The following SLC24A1 variants were observed in gnomAD, a reference collection of about 807,000 sequenced individuals.
The protein encoded by SLC24A1 is sodium/potassium/calcium exchanger 1.
A neutral mutation model predicts 88.1 loss-of-function variants in SLC24A1; 52 were observed. The ratio of observed to expected loss-of-function variants is 0.59; its 90% confidence interval spans 0.47 to 0.74. SLC24A1 has a LOEUF of 0.74. SLC24A1 is among the 30% of genes least tolerant of loss of function. The probability of loss-of-function intolerance (pLI) is 0.00; values close to 1 mark genes in which losing one functional copy is unlikely to be tolerated. For synonymous variants in SLC24A1, 455 were observed against 498.0 expected (o/e 0.91, Z 1.15); for missense variants, 1,173 against 1,363.3 (o/e 0.86, Z 2.20).
rs184758393 is a variant in SLC24A1, at chr15:65,654,428, C to A, written c.*349C>A. The A allele has an allele frequency of 2.6e-6, 3 of 1,165,960 alleles. No individual in the cohort carries two copies. Among genetic ancestry groups the A allele is most frequent in the African/African-American group, 1.6e-5 (1 of 61,682 alleles). 72.2% of individuals were successfully genotyped at this position (1,165,960 alleles called of 1,614,324 possible). On this transcript the variant is annotated 3_prime_UTR_variant, in exon 10 of 10. Transcript: ENST00000261892. ...GCAGCAGCTATAAGACAAGCTCCTA[C>A]GCTCACTGTTCCCTGATCATTCCAA...
At chr15:65,652,587 G>C (rs1657985559) in intron 8 of SLC24A1, 55 bp from the exon 9 acceptor site, 1 of 1,543,828 alleles carries the variant, frequency 6.5e-7, no homozygotes, top group Non-Finnish European at 8.9e-7. Context: ...GATGTGGATA[G>C]TGCTTGGATG....
chr15:65,650,965 C>CA lies in SLC24A1; in HGVS notation c.2793+24dup. ...CAGGTGAGTGTGCCCATCTGTATCTCAGACTCTTTATCCCCAGCAGGGCTG... is the reference window on the plus strand; with the variant it reads ...CAGGTGAGTGTGCCCATCTGTATCTCAAGACTCTTTATCCCCAGCAGGGCTG... On this transcript the variant is annotated intron_variant, in intron 7 of 9. Coordinates refer to ENST00000261892, the MANE Select transcript of SLC24A1 (RefSeq NM_004727.3). This position sits in a 1 kb window ranked among gnomAD's most constrained non-coding sequence, Gnocchi z 4.1. 2 of 1,603,792 alleles carry CA rather than the reference C, an allele frequency of 1.2e-6. No homozygotes were observed. Among genetic ancestry groups the CA allele is most frequent in the African/African-American group, 2.7e-5 (2 of 74,828 alleles).
intron 8 of SLC24A1, 60 bp from the exon 9 acceptor site, chr15:65,652,582 G>A: frequency 6.6e-7 from 1 of 1,510,554 alleles, no homozygotes; most frequent in Non-Finnish European, 9.1e-7. Context: ...AGTAGGATGT[G>A]GATAGTGCTT....
chr15:65,633,488 C>T (rs1192551574), intron 2 of SLC24A1, among the ~76,000 whole-genome samples: 3 of 151,938 alleles, frequency 2.0e-5, no homozygotes, highest in East Asian at 1.9e-4. Context: ...GGTGAAACCT[C>T]GTCTGTACTA....
Position 65,655,778 on chromosome 15 carries a change from T to C in SLC24A1, c.*1699T>C, listed in dbSNP as rs772057151. 301 of 985,314 alleles carry C rather than the reference T, an allele frequency of 3.1e-4. 3 individuals are homozygous for C. The highest frequency in any genetic ancestry group is 8.0e-5 in the Non-Finnish European group (66 of 829,904). The allele number at this position is 985,314 out of a possible 1,614,324, so 61.0% of individuals were successfully genotyped here. On this transcript the variant is annotated 3_prime_UTR_variant, in exon 10 of 10. Coordinates refer to ENST00000261892, the MANE Select transcript of SLC24A1 (RefSeq NM_004727.3). Reference sequence around the variant, plus strand: ...CCATCTTTTAAGATGAATTGCTTAATTAATTGCCTCGCTACCCCAGGATTC... The same window carrying C: ...CCATCTTTTAAGATGAATTGCTTAACTAATTGCCTCGCTACCCCAGGATTC...
Position 65,655,048 on chromosome 15 carries a change from CTA to C in SLC24A1, c.*970_*971del. Reference sequence around the variant, plus strand: ...TGGAGATTAGGGAAGGAAAACTACTCTAGAGGCCATTTAAAAGTATGTATTTA... The same window carrying C: ...TGGAGATTAGGGAAGGAAAACTACTCGAGGCCATTTAAAAGTATGTATTTA... On this transcript the variant is annotated 3_prime_UTR_variant, in exon 10 of 10. Transcript: ENST00000261892. 1 of 1,035,004 alleles carries C rather than the reference CTA, an allele frequency of 9.7e-7. No homozygotes were observed. Among genetic ancestry groups the C allele is most frequent in the Non-Finnish European group, 1.2e-6 (1 of 859,432 alleles). The allele number at this position is 1,035,004 out of a possible 1,614,324, so 64.1% of individuals were successfully genotyped here.
chr15:65,656,973 G>C (rs1212584284), downstream of SLC24A1, among the ~76,000 whole-genome samples: 1 of 152,162 alleles, frequency 6.6e-6, no homozygotes, highest in African/African-American at 2.4e-5. Context: ...GGGCTCAAGC[G>C]ATCCTCCCGC....
chr15:65,623,919 T>C, intron 1 of SLC24A1, 36 bp from the exon 2 acceptor site: 1 of 592,976 alleles, frequency 1.7e-6, no homozygotes. Context: ...AGATCTCCTC[T>C]TAGTGGTAAA....
rs1197062988 is a variant in SLC24A1, at chr15:65,625,612, C to T, written c.1532C>T (p.Thr511Ile). The change falls in exon 2 of 10, where the codon ACC becomes ATC. Residue 511 changes from threonine (T) to isoleucine (I), a missense_variant. Coordinates refer to ENST00000261892, the MANE Select transcript of SLC24A1 (RefSeq NM_004727.3). ...GGAGGCTCTGCTCCTGAGCTCTTCA[C>T]CTCCCTCATCGGTGTCTTCATTTCC... ...AAGGSAPELFTSLIGVFISHS... is the reference protein window; with the variant it reads ...AAGGSAPELFISLIGVFISHS... The T allele has an allele frequency of 6.2e-7, 1 of 1,614,028 alleles. No homozygotes were observed. Among genetic ancestry groups the T allele is most frequent in the Non-Finnish European group, 8.5e-7 (1 of 1,179,890 alleles).
intron 2 of SLC24A1, among the ~76,000 whole-genome samples, chr15:65,630,391 G>A (rs1186273625): frequency 6.6e-6 from 1 of 152,146 alleles, no homozygotes; most frequent in Non-Finnish European, 1.5e-5. Flanking sequence ...TATCAGGGTT[G>A]GCATTTATCC....
rs571602217 is a variant in SLC24A1, at chr15:65,616,858, G to C, written c.-227-2022G>C. Among the ~76,000 whole-genome samples, 1,311 of 152,198 alleles carry C rather than the reference G, an allele frequency of 8.6e-3. 22 individuals are homozygous for C. Among genetic ancestry groups the C allele is most frequent in the African/African-American group, 0.03 (1,262 of 41,518 alleles). ...TTCTTCTAGGGTTTTTATGGTTTTA[G>C]GTCTAACATTTAAGTCTTTAATCCA... On this transcript the variant is annotated intron_variant, in intron 2 of 11. Transcript: ENST00000537259.
Position 65,652,648 on chromosome 15 carries a change from G to A in SLC24A1, c.2890G>A (p.Glu964Lys), listed in dbSNP as rs754553145. The change falls in exon 9 of 10, where the codon GAA (glutamate) becomes AAA (lysine). Residue 964 changes from glutamate (E) to lysine (K), a missense_variant. Physicochemically the swap from Glu to Lys is moderately conservative, Grantham distance 56. Transcript: ENST00000261892. ...LMVWWAHQVG[E>K]TIGISEEIMG... is the part of the protein sequence containing the mutation. Reference sequence around the variant, plus strand: ...GACCGTTGCCGTTTACCAGGTTGGTGAAACAATAGGGATTTCTGAAGAGAT... The same window carrying A: ...GACCGTTGCCGTTTACCAGGTTGGTAAAACAATAGGGATTTCTGAAGAGAT... 1.2e-6 allele frequency: 2 copies of A among 1,613,846 alleles called. No individual in the cohort carries two copies. The highest frequency in any genetic ancestry group is 1.7e-6 in the Non-Finnish European group (2 of 1,179,808).
chr15:65,612,820 A>C (rs2074006999), intron 2 of SLC24A1, among the ~76,000 whole-genome samples: 1 of 152,236 alleles, frequency 6.6e-6, no homozygotes, highest in Non-Finnish European at 1.5e-5. Flanking sequence ...AGCTTAAGTT[A>C]GTTCACTGAT....
In SLC24A1 at chr15:65,655,102, C is replaced by T. The variant is rs1441852532; in HGVS notation, c.*1023C>T. 1 of 1,009,192 alleles carries T rather than the reference C, an allele frequency of 9.9e-7. No homozygotes were observed. Among genetic ancestry groups the T allele is most frequent in the Non-Finnish European group, 1.2e-6 (1 of 844,226 alleles). The allele number at this position is 1,009,192 out of a possible 1,614,324, so 62.5% of individuals were successfully genotyped here. A position where few individuals can be genotyped will look rare whatever the true frequency, so the allele number is the denominator to read the frequency against. On this transcript the variant is annotated 3_prime_UTR_variant, in exon 10 of 10. Transcript: ENST00000261892. ...TAGAACATGCAAATTCATGTTGTCT[C>T]CATCAGTGGTCACCTTGAGGGATTA... is the stretch of plus-strand genomic sequence containing the variant.
chr15:65,652,665 T>G lies in SLC24A1; in HGVS notation c.2907T>G (p.Ser969=). ...AHQVGETIGI[S]EEIMGLTILA... ...AGGTTGGTGAAACAATAGGGATTTC[T>G]GAAGAGATCATGGGCCTGACAATCC... Residue 969 remains serine (S), a synonymous_variant, in exon 9 of 10, where the codon TCT becomes TCG. Coordinates refer to ENST00000261892, the MANE Select transcript of SLC24A1 (RefSeq NM_004727.3). 1.9e-6 allele frequency: 3 copies of G among 1,614,012 alleles called. No homozygotes were observed. In the East Asian group the frequency reaches 6.7e-5, roughly 36 times the overall value.
At chr15:65,635,132 G>A (rs539252482) in intron 2 of SLC24A1, among the ~76,000 whole-genome samples, 4 of 152,156 alleles carry the variant, frequency 2.6e-5, no homozygotes, top group South Asian at 2.1e-4. Flanking sequence ...CCTACCCCTC[G>A]GTGTACAGAA....
intron 4 of SLC24A1, among the ~76,000 whole-genome samples, chr15:65,640,295 G>A (rs543730872): frequency 6.6e-6 from 1 of 152,346 alleles, no homozygotes; most frequent in Non-Finnish European, 1.5e-5. Flanking sequence ...CCTTTTAAGG[G>A]TGACGAGGGT....
downstream of SLC24A1, chr15:65,656,346 G>A (rs552925739): frequency 1.4e-6 from 1 of 721,754 alleles, no homozygotes. Flanking sequence ...TACAGAAAAG[G>A]ACAAGTACAA....
intron 6 of SLC24A1, among the ~76,000 whole-genome samples, chr15:65,648,829 G>A (rs759207099): frequency 2.0e-5 from 3 of 151,398 alleles, no homozygotes; most frequent in African/African-American, 4.9e-5. Context: ...AGGGGTATGG[G>A]GTCTCACTAT....
Sources: gnomAD v4.1 joint callset for allele counts (sites outside exome capture counted in the v4.1 genomes callset) on GRCh38, gnomAD v4.1.1 for gene constraint, Gnocchi (gnomAD v3.1) non-coding constraint, MANE v1.5 for transcripts, NCBI Gene and HGNC (gene_info 2026-07-23, HGNC 2026-07-21) for gene names.